TNFAIP3: variants seen among roughly 807,000 people sequenced by gnomAD.
The protein encoded by TNFAIP3 is TNF alpha induced protein 3.
Under a neutral mutation model 72.4 loss-of-function variants are expected in TNFAIP3, and 9 were observed. The ratio of observed to expected loss-of-function variants is 0.12; its 90% CI spans 0.07 to 0.22. TNFAIP3 has a LOEUF of 0.22. Ranked by LOEUF, TNFAIP3 falls within the 10% of genes least tolerant of loss-of-function variation. The pLI is 1.00. For synonymous variants in TNFAIP3, 339 were observed against 372.6 expected (o/e 0.91, Z 1.04); for missense variants, 833 against 1,018.7 (o/e 0.82, Z 2.48).
Position 137,879,209 on chromosome 6 carries a change from T to A in TNFAIP3, c.1764T>A (p.Ala588=). The A allele has an allele frequency of 6.2e-7, 1 of 1,614,162 alleles. No individual in the cohort carries two copies. Among genetic ancestry groups the A allele is most frequent in the Non-Finnish European group, 8.5e-7 (1 of 1,180,026 alleles). Residue 588 remains alanine (A), a synonymous_variant, in exon 7 of 9, where the codon GCT becomes GCA. Transcript: ENST00000612899. ...ACAGAGCTGGAAACGACGCCCCTGC[T>A]GGCTGCCTGTCTCAAGCTGCACGGA... ...SCHRAGNDAP[A]GCLSQAARTP...
At chr6:137,880,342 C>T (rs558574317) in intron 8 of TNFAIP3, 90 bp downstream of exon 8, 10 of 1,384,758 alleles carry the variant, frequency 7.2e-6, no homozygotes, top group Non-Finnish European at 1.0e-5. Flanking sequence ...AGCAGGCTTT[C>T]CTCTCTGCCA....
chr6:137,873,920 T>G (rs1182710568), intron 2 of TNFAIP3, among the ~76,000 whole-genome samples: 1 of 152,222 alleles, frequency 6.6e-6, no homozygotes, highest in Non-Finnish European at 1.5e-5. Flanking sequence ...AATGTAACTT[T>G]TCATTATAAA....
chr6:137,870,812 C>T (rs1776032850), intron 1 of TNFAIP3, among the ~76,000 whole-genome samples: 1 of 152,162 alleles, frequency 6.6e-6, no homozygotes, highest in Non-Finnish European at 1.5e-5. Context: ...CCTTAACTGG[C>T]ATCCAGTACT....
rs750518190 is a variant in TNFAIP3, at chr6:137,876,007, A to C, written c.646A>C (p.Arg216=). Residue 216 remains arginine (R), a synonymous_variant, in exon 5 of 9, where the codon AGA becomes CGA. Transcript: ENST00000612899. The part of the protein sequence containing the change: ...PIIVISDKML[R]SLESGSNFAP... ...CTTTCTTTGAACAGACAAAATGCTA[A>C]GAAGTTTGGAATCAGGTTCCAATTT... The C allele has an allele frequency of 6.2e-7, 1 of 1,613,174 alleles. No individual in the cohort carries two copies. The highest frequency in any genetic ancestry group is 8.5e-7 in the Non-Finnish European group (1 of 1,179,646).
chr6:137,873,688 G>A (rs976060738), intron 2 of TNFAIP3, among the ~76,000 whole-genome samples: 1 of 152,106 alleles, frequency 6.6e-6, no homozygotes, highest in African/African-American at 2.4e-5. Context: ...TCAACAGAAC[G>A]CAATCATTGC....
At chr6:137,874,810 G>T in intron 2 of TNFAIP3, 35 bp from the exon 3 acceptor site, 2 of 1,568,890 alleles carry the variant, frequency 1.3e-6, no homozygotes, top group South Asian at 2.3e-5. Flanking sequence ...CAGATAACTT[G>T]ACTTTCCTTC....
rs892357180 is a variant in TNFAIP3 at position 137,882,092 on chromosome 6, A to T, written c.*773A>T. On this transcript the variant is annotated 3_prime_UTR_variant, in exon 9 of 9. Coordinates refer to ENST00000612899, the MANE Select transcript of TNFAIP3 (RefSeq NM_001270508.2). ...AAGAAGTTAGCTTGAACTGAGGAGT[A>T]AAAGTGTGTACATATATAATATACC... 2 of 231,278 alleles carry T rather than the reference A, an allele frequency of 8.6e-6. No individual in the cohort carries two copies. The highest frequency in any genetic ancestry group is 4.4e-5 in the African/African-American group (2 of 45,234). 14.3% of individuals were successfully genotyped at this position (231,278 alleles called of 1,614,324 possible).
intron 2 of TNFAIP3, 26 bp from the exon 3 acceptor site, chr6:137,874,819 T>C: frequency 6.4e-7 from 1 of 1,552,798 alleles, no homozygotes. Flanking sequence ...TGACTTTCCT[T>C]CTCTTCTCCT....
intron 2 of TNFAIP3, among the ~76,000 whole-genome samples, chr6:137,874,282 G>A (rs1314989257): frequency 6.6e-6 from 1 of 152,192 alleles, no homozygotes; most frequent in Non-Finnish European, 1.5e-5. Context: ...TTCCACACCA[G>A]GAGAGGAAAC....
intron 5 of TNFAIP3, among the ~76,000 whole-genome samples, chr6:137,876,505 G>A (rs1009256862): frequency 2.0e-5 from 3 of 152,130 alleles, no homozygotes; most frequent in African/African-American, 7.2e-5. Flanking sequence ...GAGTGCAGTG[G>A]CACAATCATG....
chr6:137,869,081 AGGTTTGGTGTTGTG>A lies in TNFAIP3; in HGVS notation c.-16+1542_-16+1555del, dbSNP rs1441924724. On this transcript the variant is annotated intron_variant, in intron 1 of 8. Coordinates refer to ENST00000612899, the MANE Select transcript of TNFAIP3 (RefSeq NM_001270508.2). ...TGATTGTGGCAGGCACTGTAGCCAC[AGGTTTGGTGTTGTG>A]GGATTGCAAGGGGCAGGTATTGAAA... 5.9e-5 allele frequency among the ~76,000 whole-genome samples: 9 copies of A among 152,178 alleles called. No homozygotes were observed. In the South Asian group the frequency reaches 1.9e-3, roughly 32 times the overall value.
intron 1 of TNFAIP3, among the ~76,000 whole-genome samples, chr6:137,868,975 G>T (rs1775941325): frequency 9.6e-6 from 1 of 103,940 alleles, no homozygotes; most frequent in Non-Finnish European, 2.5e-5. Flanking sequence ...ATTCAGAAGA[G>T]AAAAATAAAA....
chr6:137,880,054 C>T lies in TNFAIP3; in HGVS notation c.1907-17C>T, dbSNP rs1051281893. 6.2e-7 allele frequency: 1 copy of T among 1,613,248 alleles called. No individual in the cohort carries two copies. The highest frequency in any genetic ancestry group is 1.3e-5 in the African/African-American group (1 of 74,922). On this transcript the variant is annotated splice_polypyrimidine_tract_variant and intron_variant, in intron 7 of 8. Coordinates refer to ENST00000612899, the MANE Select transcript of TNFAIP3 (RefSeq NM_001270508.2). The stretch of plus-strand genomic sequence containing the variant: ...GTGACCCCTATGTGGTACTAACTAG[C>T]ATCCATTCTCATGTAGATTTTGCTG...
At position 137,879,112 on chromosome 6, in the gene TNFAIP3, C is replaced by T. The variant is rs1325986802; in HGVS notation, c.1667C>T (p.Pro556Leu). ...TCCTCCAGCCTCAGCACCAGCCTCCCTCCTTCCTGTCACCAGCGTTCCAAG... is the reference window on the plus strand; with the variant it reads ...TCCTCCAGCCTCAGCACCAGCCTCCTTCCTTCCTGTCACCAGCGTTCCAAG... ...EASSSLSTSL[P>L]PSCHQRSKSD... is the part of the protein sequence containing the mutation. The change falls in exon 7 of 9, where the codon CCT (proline) becomes CTT (leucine). Residue 556 changes from proline to leucine, a missense_variant. Transcript: ENST00000612899. 1 of 1,614,208 alleles carries T rather than the reference C, an allele frequency of 6.2e-7. No homozygotes were observed. The highest frequency in any genetic ancestry group is 2.2e-5 in the East Asian group (1 of 44,882).
In TNFAIP3 at chr6:137,881,721, C is replaced by A; in HGVS notation, c.*402C>A. ...ACACAAGTCGCGTGGGTTGGAGAAG[C>A]CAGAGCCATTCCACCTCCCCTCCCC... is the stretch of plus-strand genomic sequence containing the variant. On this transcript the variant is annotated 3_prime_UTR_variant, in exon 9 of 9. Coordinates refer to ENST00000612899, the MANE Select transcript of TNFAIP3 (RefSeq NM_001270508.2). The surrounding 1 kb of genome is among the most constrained non-coding windows in gnomAD (Gnocchi z 5.0). The A allele has an allele frequency of 4.1e-6, 1 of 245,294 alleles. No individual in the cohort carries two copies. The highest frequency in any genetic ancestry group is 7.9e-6 in the Non-Finnish European group (1 of 126,686). 15.2% of individuals were successfully genotyped at this position (245,294 alleles called of 1,614,324 possible). A position where few individuals can be genotyped will look rare whatever the true frequency, so the allele number is the denominator to read the frequency against.
At position 137,879,337 on chromosome 6, in the gene TNFAIP3, A is replaced by G. The variant is rs760441058; in HGVS notation, c.1892A>G (p.Tyr631Cys). Residue 631 changes from tyrosine to cysteine, a missense_variant, in exon 7 of 9, where the codon TAC becomes TGC. By Grantham distance (194) the Tyr-to-Cys change is radical (BLOSUM62 -2). Around this residue, in one of 2 missense-constraint regions of TNFAIP3, gnomAD observed 587 missense variants for 657.8 expected, o/e 0.89. Transcript: ENST00000612899. ...KGFCTLCFIE[Y>C]RENKHFAAAS... ...TTTTGCACACTGTGTTTCATCGAGT[A>G]CAGAGAAAACAAACGTGAGTGAAGT... 5 of 1,611,444 alleles carry G rather than the reference A, an allele frequency of 3.1e-6. No homozygotes were observed. Among genetic ancestry groups the G allele is most frequent in the South Asian group, 2.2e-5 (2 of 91,030 alleles).
intron 2 of TNFAIP3, among the ~76,000 whole-genome samples, chr6:137,873,059 A>C (rs1776114221): frequency 6.6e-6 from 1 of 152,218 alleles, no homozygotes; most frequent in Non-Finnish European, 1.5e-5. Context: ...ATAAAACTAC[A>C]AAAGCAGGTG....
At chr6:137,870,297 G>A (rs1170733496) in intron 1 of TNFAIP3, among the ~76,000 whole-genome samples, 2 of 151,902 alleles carry the variant, frequency 1.3e-5, no homozygotes, top group Non-Finnish European at 2.9e-5. Flanking sequence ...TTCATTTTTT[G>A]TTTTCGTAGA....
intron 2 of TNFAIP3, among the ~76,000 whole-genome samples, chr6:137,874,374 AT>A (rs1195647268): frequency 2.0e-5 from 3 of 152,354 alleles, no homozygotes; most frequent in African/African-American, 7.2e-5. Context: ...CTAGCAAGCC[AT>A]GCCTGCTTCC....
Sources: allele counts gnomAD v4.1 joint callset (sites outside exome capture counted in the v4.1 genomes callset), GRCh38; gene constraint gnomAD v4.1.1; regional missense constraint gnomAD v4.1.1; non-coding constraint Gnocchi (gnomAD v3.1); transcripts MANE v1.5; gene names NCBI Gene and HGNC (gene_info 2026-07-23, HGNC 2026-07-21).